The following CYFIP2 variants were observed in gnomAD, a reference collection of about 807,000 sequenced individuals.
CYFIP2 encodes the protein cytoplasmic FMR1 interacting protein 2.
Under a neutral mutation model 158.7 loss-of-function variants are expected in CYFIP2, and 29 were observed. That is an observed-to-expected ratio of 0.18 (90% CI 0.14 to 0.25). The LOEUF is 0.25. CYFIP2 is among the 10% of genes least tolerant of loss of function. The pLI, the probability that CYFIP2 is intolerant of heterozygous loss-of-function variation, is 1.00. For synonymous variants in CYFIP2, 585 were observed against 617.6 expected (o/e 0.95, Z 0.78); for missense variants, 852 against 1,639.5 (o/e 0.52, Z 8.29).
chr5:157,299,975 T>C (rs973375454), intron 5 of CYFIP2, among the ~76,000 whole-genome samples: 2 of 152,188 alleles, frequency 1.3e-5, no homozygotes, highest in African/African-American at 4.8e-5. Flanking sequence ...TCTGTTTTTC[T>C]CTTTTGTTTC....
At chr5:157,380,777 G>C (rs976836495) in intron 26 of CYFIP2, among the ~76,000 whole-genome samples, 1 of 152,194 alleles carries the variant, frequency 6.6e-6, no homozygotes, top group Non-Finnish European at 1.5e-5. Flanking sequence ...AATTCACCAT[G>C]TGAATATGAA....
At chr5:157,302,994 C>A in intron 7 of CYFIP2, 104 bp downstream of exon 7, 2 of 815,802 alleles carry the variant, frequency 2.5e-6, no homozygotes, top group Non-Finnish European at 3.9e-6. Context: ...GCTCAGTCTG[C>A]AGCTTCCATC....
chr5:157,322,612 C>G (rs1760690078), intron 15 of CYFIP2, among the ~76,000 whole-genome samples: 2 of 152,202 alleles, frequency 1.3e-5, no homozygotes, highest in Admixed American at 1.3e-4. Context: ...GGGGGACTGT[C>G]TGAGGCACTG....
intron 23 of CYFIP2, among the ~76,000 whole-genome samples, chr5:157,345,094 A>G (rs1320049355): frequency 6.6e-6 from 1 of 152,230 alleles, no homozygotes; most frequent in Non-Finnish European, 1.5e-5. Flanking sequence ...GTCATCATGA[A>G]GGAGACCGAA....
chr5:157,393,207 GAAAAAA>G lies in CYFIP2; in HGVS notation c.*219_*224del, dbSNP rs3052310. The G allele has an allele frequency of 7.1e-6, 2 of 280,500 alleles. No homozygotes were observed. The highest frequency in any genetic ancestry group is 2.5e-5 in the African/African-American group (1 of 40,412). 17.4% of individuals were successfully genotyped at this position (280,500 alleles called of 1,614,324 possible). On this transcript the variant is annotated 3_prime_UTR_variant, in exon 31 of 31. Transcript: ENST00000620254. ...ATGCTGGTTTCTCCATAGCATAAATGAAAAAAAAAAAAAAAAAGTAAACAGGGCAGT... is the reference window on the plus strand; with the variant it reads ...ATGCTGGTTTCTCCATAGCATAAATGAAAAAAAAAAAGTAAACAGGGCAGT...
chr5:157,328,521 G>A (rs553251555), intron 19 of CYFIP2, among the ~76,000 whole-genome samples: 1 of 152,282 alleles, frequency 6.6e-6, no homozygotes, highest in South Asian at 2.1e-4. Flanking sequence ...GATGATAACA[G>A]CATGCCAACT....
intron 5 of CYFIP2, among the ~76,000 whole-genome samples, chr5:157,298,839 G>A (rs1758471692): frequency 6.6e-6 from 1 of 152,090 alleles, no homozygotes; most frequent in African/African-American, 2.4e-5. Flanking sequence ...GTGTCCATCT[G>A]GCTCTCTTCA....
chr5:157,338,090 T>C (rs1374242251), intron 21 of CYFIP2, among the ~76,000 whole-genome samples: 1 of 152,220 alleles, frequency 6.6e-6, no homozygotes, highest in East Asian at 1.9e-4. Context: ...TTTGATTCCT[T>C]TTGATAGCAG....
chr5:157,272,390 T>A (rs1358170328), intron 1 of CYFIP2, among the ~76,000 whole-genome samples: 2 of 152,202 alleles, frequency 1.3e-5, no homozygotes, highest in Non-Finnish European at 2.9e-5. Flanking sequence ...AGACTTTGGG[T>A]GGTTGTCTTC....
At chr5:157,334,739 A>T (rs141178630) in intron 21 of CYFIP2, among the ~76,000 whole-genome samples, 95 of 152,372 alleles carry the variant, frequency 6.2e-4, no homozygotes, top group Middle Eastern at 3.4e-3. Context: ...CTTGAGAGAC[A>T]GGAAAGACTG....
chr5:157,273,157 T>C (rs1282288453), intron 1 of CYFIP2, among the ~76,000 whole-genome samples: 1 of 152,218 alleles, frequency 6.6e-6, no homozygotes, highest in Non-Finnish European at 1.5e-5. Context: ...CGAGCCACTG[T>C]GCCTGGCCCT....
chr5:157,385,772 GA>G (rs1766618773), intron 28 of CYFIP2, among the ~76,000 whole-genome samples: 2 of 152,234 alleles, frequency 1.3e-5, no homozygotes, highest in African/African-American at 4.8e-5. Flanking sequence ...AGGTTTTTGA[GA>G]AGGAATATTG....
chr5:157,298,818 C>A (rs746562650), intron 5 of CYFIP2, among the ~76,000 whole-genome samples: 1 of 152,178 alleles, frequency 6.6e-6, no homozygotes, highest in Non-Finnish European at 1.5e-5. Context: ...AATCATATAA[C>A]GTGGTCTTTT....
At chr5:157,382,143 C>A (rs1292588384) in intron 26 of CYFIP2, among the ~76,000 whole-genome samples, 2 of 152,202 alleles carry the variant, frequency 1.3e-5, no homozygotes, top group African/African-American at 4.8e-5. Context: ...AGACATAGGC[C>A]TTTACACAGA....
intron 16 of CYFIP2, among the ~76,000 whole-genome samples, chr5:157,324,472 T>C (rs1760853728): frequency 6.6e-6 from 1 of 152,248 alleles, no homozygotes; most frequent in South Asian, 2.1e-4. Flanking sequence ...TCCTGTGTTC[T>C]TCACACTTCC....
chr5:157,366,303 T>G (rs1764366293), intron 26 of CYFIP2, among the ~76,000 whole-genome samples: 1 of 152,226 alleles, frequency 6.6e-6, no homozygotes, highest in Non-Finnish European at 1.5e-5. Flanking sequence ...TTTGTGGCCA[T>G]TATATACTAT....
At chr5:157,341,231 A>G in intron 23 of CYFIP2, 74 bp downstream of exon 23, 1 of 1,377,102 alleles carries the variant, frequency 7.3e-7, no homozygotes, top group South Asian at 1.2e-5. Context: ...TCTCTTAATT[A>G]GAAGAGTAAG....
At chr5:157,340,115 G>A (rs771499550) in intron 22 of CYFIP2, among the ~76,000 whole-genome samples, 13 of 152,334 alleles carry the variant, frequency 8.5e-5, no homozygotes, top group Non-Finnish European at 1.8e-4. Context: ...CACACGGCCC[G>A]GGGCCAGGCA....
chr5:157,371,041 G>A (rs187748507), intron 26 of CYFIP2, among the ~76,000 whole-genome samples: 2 of 152,288 alleles, frequency 1.3e-5, no homozygotes, highest in Middle Eastern at 3.4e-3. Context: ...AGCGTCTCTC[G>A]GTTGGGCTTT....
Sources: allele counts gnomAD v4.1 joint callset (sites outside exome capture counted in the v4.1 genomes callset), GRCh38; gene constraint gnomAD v4.1.1; transcripts MANE v1.5; gene names NCBI Gene and HGNC (gene_info 2026-07-23, HGNC 2026-07-21).